The following PPP2R2B variants were observed in gnomAD, a reference collection of about 807,000 sequenced individuals.
PPP2R2B encodes serine/threonine-protein phosphatase 2A 55 kDa regulatory subunit B beta isoform.
A neutral mutation model predicts 46.0 loss-of-function variants in PPP2R2B; 5 were observed. The ratio of observed to expected loss-of-function variants is 0.11; its 90% CI spans 0.06 to 0.23. The LOEUF (loss-of-function observed/expected upper bound fraction) is 0.23, where lower values mean the gene tolerates loss of function less well. Ranked by LOEUF, PPP2R2B falls within the 10% of genes least tolerant of loss-of-function variation. PPP2R2B has a pLI of 1.00. For missense variants in PPP2R2B, 367 were observed against 575.0 expected, an observed-to-expected ratio of 0.64 and a Z score of 3.70; for synonymous variants, 215 against 206.7, an observed-to-expected ratio of 1.04 and a Z score of -0.34.
chr5:146,711,776 CAGTT>C (rs2151182297), intron 2 of PPP2R2B, among the ~76,000 whole-genome samples: 1 of 152,280 alleles, frequency 6.6e-6, no homozygotes. Context: ...GTGAAACTCT[CAGTT>C]AGAGGACTGG....
At chr5:147,064,007 G>T (rs1365914336) in intron 2 of PPP2R2B, among the ~76,000 whole-genome samples, 1 of 152,196 alleles carries the variant, frequency 6.6e-6, no homozygotes, top group Non-Finnish European at 1.5e-5. Context: ...TGTACCTGTT[G>T]TTCTTACAGT....
intron 1 of PPP2R2B, among the ~76,000 whole-genome samples, chr5:147,008,709 G>C (rs1349425979): frequency 6.6e-6 from 1 of 152,142 alleles, no homozygotes; most frequent in Non-Finnish European, 1.5e-5. Flanking sequence ...TTACAGAGGA[G>C]TCAGCCTCAT....
At chr5:146,833,448 T>G (rs1759080172) in intron 2 of PPP2R2B, among the ~76,000 whole-genome samples, 1 of 152,194 alleles carries the variant, frequency 6.6e-6, no homozygotes. Flanking sequence ...AAAACCTGTC[T>G]GTACCATCAT....
chr5:147,019,259 A>C (rs1263253757), intron 1 of PPP2R2B, among the ~76,000 whole-genome samples: 4 of 152,222 alleles, frequency 2.6e-5, no homozygotes, highest in Non-Finnish European at 5.9e-5. Flanking sequence ...CAACAAAGTT[A>C]CTCAAAACAG....
At chr5:146,995,431 C>A (rs1274398024) in intron 1 of PPP2R2B, among the ~76,000 whole-genome samples, 1 of 152,186 alleles carries the variant, frequency 6.6e-6, no homozygotes, top group Non-Finnish European at 1.5e-5. Flanking sequence ...GGGGTGTAAC[C>A]ACTGACAGGC....
chr5:146,689,326 C>T (rs1313048388), intron 5 of PPP2R2B, among the ~76,000 whole-genome samples: 1 of 152,168 alleles, frequency 6.6e-6, no homozygotes, highest in Non-Finnish European at 1.5e-5. Flanking sequence ...CCACATGCCA[C>T]ATGATGTTTT....
At position 146,898,609 on chromosome 5, in the gene PPP2R2B, C is replaced by A. The variant is rs1363933281; in HGVS notation, c.79+157056G>T. On this transcript the variant is annotated intron_variant, in intron 1 of 8. Transcript: ENST00000336640. Reference sequence around the variant, plus strand: ...ACACCAAAAGCAATGGCAACAAAAGCCAAAATTGACAAATGGGATCTAATT... The same window carrying A: ...ACACCAAAAGCAATGGCAACAAAAGACAAAATTGACAAATGGGATCTAATT... 5.4e-5 allele frequency among the ~76,000 whole-genome samples: 8 copies of A among 147,194 alleles called. 1 individual carries two copies. Among genetic ancestry groups the A allele is most frequent in the Admixed American group, 2.8e-4 (4 of 14,522 alleles).
At chr5:146,914,717 GA>G (rs1763315807) in intron 1 of PPP2R2B, among the ~76,000 whole-genome samples, 1 of 152,198 alleles carries the variant, frequency 6.6e-6, no homozygotes, top group African/African-American at 2.4e-5. Context: ...ATATGTTGAT[GA>G]ATAAGTATAG....
intron 5 of PPP2R2B, among the ~76,000 whole-genome samples, chr5:146,676,284 G>A (rs936736091): frequency 1.3e-5 from 2 of 152,054 alleles, no homozygotes; most frequent in African/African-American, 2.4e-5. Context: ...ACAGAGAAGC[G>A]AGGGCTTGCA....
intron 5 of PPP2R2B, among the ~76,000 whole-genome samples, chr5:146,671,496 T>A (rs938002045): frequency 6.6e-5 from 10 of 152,158 alleles, no homozygotes; most frequent in African/African-American, 2.4e-4. Flanking sequence ...AAGGGTAGGA[T>A]TGTCTTTTAC....
chr5:146,671,495 A>T (rs190642129), intron 5 of PPP2R2B, among the ~76,000 whole-genome samples: 1 of 152,260 alleles, frequency 6.6e-6, no homozygotes, highest in Admixed American at 6.5e-5. Flanking sequence ...AAAGGGTAGG[A>T]TTGTCTTTTA....
At chr5:146,967,317 C>A (rs1188999279) in intron 1 of PPP2R2B, among the ~76,000 whole-genome samples, 1 of 152,282 alleles carries the variant, frequency 6.6e-6, no homozygotes, top group East Asian at 1.9e-4. Context: ...ATGTCTCCTC[C>A]ACGTTCACTT....
chr5:146,800,606 TGATA>T (rs1756801252), intron 2 of PPP2R2B, among the ~76,000 whole-genome samples: 1 of 134,590 alleles, frequency 7.4e-6, no homozygotes, highest in South Asian at 2.3e-4. Context: ...AGAAGAAATC[TGATA>T]GACTCAGCTA....
chr5:146,841,725 T>G (rs1759657769), intron 2 of PPP2R2B, among the ~76,000 whole-genome samples: 1 of 151,520 alleles, frequency 6.6e-6, no homozygotes, highest in African/African-American at 2.4e-5. Context: ...TAAGTGGGAG[T>G]TGAACAATGA....
At chr5:146,868,294 C>T (rs1161878089) in intron 2 of PPP2R2B, among the ~76,000 whole-genome samples, 1 of 152,248 alleles carries the variant, frequency 6.6e-6, no homozygotes, top group African/African-American at 2.4e-5. Flanking sequence ...CCCTTTCTGG[C>T]TCTGCCTCTT....
intron 2 of PPP2R2B, among the ~76,000 whole-genome samples, chr5:146,845,418 T>A (rs1326354947): frequency 6.6e-6 from 1 of 150,608 alleles, no homozygotes; most frequent in African/African-American, 2.4e-5. Context: ...CCTGGCTAAA[T>A]TTTTTTTTGC....
chr5:146,750,048 C>T (rs1314960523), intron 2 of PPP2R2B, among the ~76,000 whole-genome samples: 1 of 152,050 alleles, frequency 6.6e-6, no homozygotes, highest in Non-Finnish European at 1.5e-5. Context: ...GCTGTCTTTC[C>T]TCCGTTGAAT....
At chr5:146,821,986 G>A (rs190706023) in intron 2 of PPP2R2B, among the ~76,000 whole-genome samples, 14 of 152,280 alleles carry the variant, frequency 9.2e-5, no homozygotes, top group South Asian at 6.2e-4. Flanking sequence ...CAGTGAATCC[G>A]TGGCCCAAGT....
chr5:146,958,852 A>T (rs1046640428), intron 1 of PPP2R2B, among the ~76,000 whole-genome samples: 2 of 152,178 alleles, frequency 1.3e-5, no homozygotes, highest in Non-Finnish European at 2.9e-5. Context: ...TTTAAACCTC[A>T]CAACAAACTT....
Sources: gnomAD v4.1 joint callset for allele counts (sites outside exome capture counted in the v4.1 genomes callset) on GRCh38, gnomAD v4.1.1 for gene constraint, MANE v1.5 for transcripts, NCBI Gene and HGNC (gene_info 2026-07-23, HGNC 2026-07-21) for gene names.